FMN1: variants seen among roughly 807,000 people sequenced by gnomAD.
FMN1 encodes the protein formin-1.
In FMN1, 110 loss-of-function variants were observed where a neutral mutation model predicts 132.4. The observed-to-expected ratio is 0.83, with a 90% CI of 0.71 to 0.97. The LOEUF (loss-of-function observed/expected upper bound fraction) is 0.97, where lower values mean the gene tolerates loss of function less well. Ranked by LOEUF, FMN1 falls within the 50% of genes least tolerant of loss-of-function variation. The pLI is 0.00. For missense variants in FMN1, 1,792 were observed against 1,705.3 expected (o/e 1.05, Z -0.90); for synonymous variants, 722 against 651.7 (o/e 1.11, Z -1.64).
At chr15:32,905,079 C>T (rs1382820912) in intron 12 of FMN1, among the ~76,000 whole-genome samples, 1 of 152,172 alleles carries the variant, frequency 6.6e-6, no homozygotes, top group Non-Finnish European at 1.5e-5. Flanking sequence ...AATGAGGGAT[C>T]CTTCCCTTCT....
chr15:32,964,100 T>C lies in FMN1; in HGVS notation c.3138+7A>G. The C allele has an allele frequency of 6.2e-7, 1 of 1,605,760 alleles. No individual in the cohort carries two copies. The highest frequency in any genetic ancestry group is 1.7e-4 in the Middle Eastern group (1 of 6,014). On this transcript the variant is annotated splice_region_variant and intron_variant, in intron 9 of 20. Transcript: ENST00000616417. ...ATAATTACAGCTTTGCCATAATCACTCAGTACCTTTTTGACCTTGTTTTTC... is the reference window on the plus strand; with the variant it reads ...ATAATTACAGCTTTGCCATAATCACCCAGTACCTTTTTGACCTTGTTTTTC...
In FMN1 at chr15:33,051,906, T is replaced by C. The variant is rs534725214; in HGVS notation, c.2161+13051A>G. 5.0e-4 allele frequency among the ~76,000 whole-genome samples: 76 copies of C among 152,314 alleles called. 1 individual carries two copies. Among genetic ancestry groups the C allele is most frequent in the African/African-American group, 1.8e-3 (74 of 41,586 alleles). On this transcript the variant is annotated intron_variant, in intron 6 of 20. Transcript: ENST00000616417. ...GCACTTGATCTCTCAAGTAACCCAC[T>C]TGGCCCTGTTCTAAGTGTATTTTAC... is the stretch of plus-strand genomic sequence containing the variant.
chr15:33,008,940 T>A (rs1387959255), intron 6 of FMN1, among the ~76,000 whole-genome samples: 1 of 152,196 alleles, frequency 6.6e-6, no homozygotes, highest in Non-Finnish European at 1.5e-5. Flanking sequence ...CAGTTTGACC[T>A]CATTGAAATA....
chr15:32,811,151 A>G (rs182556556), intron 17 of FMN1: 9 of 453,748 alleles, frequency 2.0e-5, no homozygotes, highest in East Asian at 1.4e-4. Flanking sequence ...GATATTTGGA[A>G]CCAGTTTGTG....
rs541678699 is a variant in FMN1 at position 33,144,295 on chromosome 15, T to C, written c.1867+8753A>G. ...TGTGGGGAGTACCTCAGAGGTATCC[T>C]ATACGATCTCTGCCCTCAAGTTTTT... On this transcript the variant is annotated intron_variant, in intron 4 of 20. Transcript: ENST00000616417. Among the ~76,000 whole-genome samples, 6 of 152,322 alleles carry C rather than the reference T, an allele frequency of 3.9e-5. No individual in the cohort carries two copies. The South Asian group carries it at 1.0e-3, about 26-fold the overall frequency.
intron 5 of FMN1, among the ~76,000 whole-genome samples, chr15:33,074,033 G>A (rs2038102330): frequency 6.6e-6 from 1 of 152,180 alleles, no homozygotes; most frequent in South Asian, 2.1e-4. Flanking sequence ...CTCCGGCCTG[G>A]CTTGACCTTT....
intron 6 of FMN1, among the ~76,000 whole-genome samples, chr15:33,061,891 G>A (rs778249801): frequency 1.3e-5 from 2 of 151,842 alleles, no homozygotes; most frequent in Non-Finnish European, 2.9e-5. Context: ...TGGAGTGACA[G>A]AAAGAGAGAA....
At chr15:32,905,472 C>A (rs2060401156) in intron 12 of FMN1, among the ~76,000 whole-genome samples, 1 of 152,174 alleles carries the variant, frequency 6.6e-6, no homozygotes, top group Admixed American at 6.5e-5. Context: ...GAAGTGTGTA[C>A]CAGGCCTAAT....
At position 32,910,395 on chromosome 15, in the gene FMN1, AAGAACAT is replaced by A. The variant is rs1456126351; in HGVS notation, c.3288+72_3288+78del. 43 of 1,201,012 alleles carry A rather than the reference AAGAACAT, an allele frequency of 3.6e-5. 1 individual carries two copies. Among genetic ancestry groups the A allele is most frequent in the Admixed American group, 8.0e-5 (4 of 49,924 alleles). 74.4% of individuals were successfully genotyped at this position (1,201,012 alleles called of 1,614,324 possible). ...GGCCACGTCAAAACCCTTACTACCAAAGAACATGAACAGCTCAGTCATTTCTCAGGTA... is the reference window on the plus strand; with the variant it reads ...GGCCACGTCAAAACCCTTACTACCAAGAACAGCTCAGTCATTTCTCAGGTA... On this transcript the variant is annotated intron_variant, in intron 11 of 20. Transcript: ENST00000616417.
At chr15:32,778,370 C>T (rs2056559583) in intron 19 of FMN1, among the ~76,000 whole-genome samples, 1 of 149,994 alleles carries the variant, frequency 6.7e-6, no homozygotes, top group Non-Finnish European at 1.5e-5. Flanking sequence ...ACCTCCACCT[C>T]CAGAATGGGA....
At chr15:33,067,869 T>G in intron 5 of FMN1, 1 of 1,610,824 alleles carries the variant, frequency 6.2e-7, no homozygotes, top group Non-Finnish European at 8.5e-7. Flanking sequence ...TCCAGAGAAT[T>G]ATCAACGTTC....
chr15:32,933,151 C>T (rs2140395540), intron 9 of FMN1, among the ~76,000 whole-genome samples: 1 of 152,214 alleles, frequency 6.6e-6, no homozygotes, highest in East Asian at 1.9e-4. Context: ...TTTATTGCAT[C>T]CCATATGTTT....
At chr15:33,177,905 G>A (rs1965568738) in intron 3 of FMN1, among the ~76,000 whole-genome samples, 1 of 152,164 alleles carries the variant, frequency 6.6e-6, no homozygotes, top group Non-Finnish European at 1.5e-5. Flanking sequence ...CTACTTGGGA[G>A]GCTGAGGCAG....
intron 19 of FMN1, among the ~76,000 whole-genome samples, chr15:32,788,159 G>A (rs1172427184): frequency 6.6e-6 from 1 of 152,170 alleles, no homozygotes; most frequent in East Asian, 1.9e-4. Context: ...AAGTTGGGGA[G>A]CCCTGGACTT....
intron 4 of FMN1, chr15:33,149,855 A>G (rs767764559): frequency 2.0e-4 from 195 of 983,128 alleles, no homozygotes; most frequent in Non-Finnish European, 2.2e-4. Context: ...TTTACTTCCC[A>G]TAATGTATAT....
chr15:32,858,043 C>T (rs534501506), intron 16 of FMN1, among the ~76,000 whole-genome samples: 118 of 152,210 alleles, frequency 7.8e-4, no homozygotes, highest in Non-Finnish European at 1.6e-3. Flanking sequence ...ATTAATAAAG[C>T]ACTGGATTTC....
In FMN1 at chr15:32,888,304, G is replaced by A; in HGVS notation, c.3715-12C>T. 1.3e-6 allele frequency: 2 copies of A among 1,597,456 alleles called. No individual in the cohort carries two copies. The highest frequency in any genetic ancestry group is 8.5e-7 in the Non-Finnish European group (1 of 1,173,386). ...TCTGTTCCAGCTTCCTAAGAGATAT[G>A]GTAAACAAAAGTACATTATACTTCC... On this transcript the variant is annotated splice_polypyrimidine_tract_variant and intron_variant, in intron 15 of 20. Transcript: ENST00000616417.
At chr15:32,874,340 G>A (rs1279427041) in intron 16 of FMN1, among the ~76,000 whole-genome samples, 5 of 151,968 alleles carry the variant, frequency 3.3e-5, no homozygotes, top group East Asian at 1.9e-4. Flanking sequence ...TATATATAGC[G>A]AATATCAAGC....
rs75561002 is a variant in FMN1 at position 33,096,995 on chromosome 15, C to G, written c.1868-8021G>C. ...ATTTTTTTCAGTCCAGAAATCACCTCAGTAGAAAGCATAGGTAGCCGGGCA... is the reference window on the plus strand; with the variant it reads ...ATTTTTTTCAGTCCAGAAATCACCTGAGTAGAAAGCATAGGTAGCCGGGCA... On this transcript the variant is annotated intron_variant, in intron 4 of 20. Transcript: ENST00000616417. 5.4e-3 allele frequency among the ~76,000 whole-genome samples: 820 copies of G among 152,126 alleles called. 11 individuals carry two copies. The highest frequency in any genetic ancestry group is 0.018 in the African/African-American group (760 of 41,500).
Sources: gnomAD v4.1 joint callset for allele counts (sites outside exome capture counted in the v4.1 genomes callset) on GRCh38, gnomAD v4.1.1 for gene constraint, MANE v1.5 for transcripts, NCBI Gene and HGNC (gene_info 2026-07-23, HGNC 2026-07-21) for gene names.